GPC5: variants seen among roughly 807,000 people sequenced by gnomAD.
GPC5 encodes glypican 5.
GPC5 carries 47 observed loss-of-function variants against 53.9 expected under a neutral mutation model. The observed-to-expected ratio is 0.87, with a 90% CI of 0.69 to 1.11. The LOEUF is 1.11. GPC5 is among the 50% of genes most tolerant of loss of function. The pLI, the probability that GPC5 is intolerant of heterozygous loss-of-function variation, is 0.00. For missense variants in GPC5, 748 were observed against 713.1 expected, an observed-to-expected ratio of 1.05 and a Z score of -0.56; for synonymous variants, 286 against 263.3, an observed-to-expected ratio of 1.09 and a Z score of -0.84.
intron 2 of GPC5, among the ~76,000 whole-genome samples, chr13:91,512,706 G>A (rs537385286): frequency 1.1e-4 from 17 of 152,274 alleles, no homozygotes; most frequent in Middle Eastern, 3.4e-3. Context: ...AAGGTATGCT[G>A]AAAGTCCATC....
intron 7 of GPC5, among the ~76,000 whole-genome samples, chr13:92,680,354 CTTTTCAACAAAAG>C (rs1410912387): frequency 6.6e-6 from 1 of 152,174 alleles, no homozygotes; most frequent in Admixed American, 6.5e-5. Flanking sequence ...AGCTTCAACT[CTTTTCAACAAAAG>C]TTTTCAACTT....
intron 7 of GPC5, among the ~76,000 whole-genome samples, chr13:92,261,207 T>C (rs2042764682): frequency 6.6e-6 from 1 of 152,174 alleles, no homozygotes; most frequent in Admixed American, 6.5e-5. Flanking sequence ...GAACACTAGT[T>C]ACCAAATAAT....
intron 1 of GPC5, among the ~76,000 whole-genome samples, chr13:91,448,040 C>A (rs1880923522): frequency 6.6e-6 from 1 of 152,126 alleles, no homozygotes; most frequent in South Asian, 2.1e-4. Context: ...GTGATACTAG[C>A]AAAGGTTTTT....
chr13:92,551,534 C>T (rs1412255250), intron 7 of GPC5, among the ~76,000 whole-genome samples: 2 of 151,780 alleles, frequency 1.3e-5, no homozygotes, highest in Non-Finnish European at 2.9e-5. Context: ...ATAATTTCAT[C>T]TGAAGGAGCT....
At chr13:91,431,406 C>G (rs920276000) in intron 1 of GPC5, among the ~76,000 whole-genome samples, 28 of 152,276 alleles carry the variant, frequency 1.8e-4, no homozygotes, top group Non-Finnish European at 4.0e-4. Context: ...CTCCTACTAC[C>G]TTCTTAATAG....
At chr13:92,357,140 C>G (rs2043529158) in intron 7 of GPC5, among the ~76,000 whole-genome samples, 1 of 151,694 alleles carries the variant, frequency 6.6e-6, no homozygotes, top group Non-Finnish European at 1.5e-5. Flanking sequence ...GGATTGATTC[C>G]ATGTCTTCGC....
intron 7 of GPC5, among the ~76,000 whole-genome samples, chr13:92,796,711 T>C (rs550580307): frequency 3.3e-5 from 5 of 152,038 alleles, no homozygotes; most frequent in African/African-American, 1.2e-4. Context: ...TCTTACCCTT[T>C]TTATGATTGC....
At chr13:91,662,725 T>C (rs2035014617) in intron 2 of GPC5, among the ~76,000 whole-genome samples, 1 of 152,226 alleles carries the variant, frequency 6.6e-6, no homozygotes, top group Admixed American at 6.5e-5. Flanking sequence ...CCTAGTATCT[T>C]GCTGTGCTCA....
chr13:92,635,920 A>C (rs1034194575), intron 7 of GPC5, among the ~76,000 whole-genome samples: 9 of 152,228 alleles, frequency 5.9e-5, no homozygotes, highest in African/African-American at 2.2e-4. Flanking sequence ...ATAATGGTAA[A>C]TTTGAAGAAA....
chr13:92,796,120 C>T (rs1876668743), intron 7 of GPC5, among the ~76,000 whole-genome samples: 1 of 152,096 alleles, frequency 6.6e-6, no homozygotes, highest in Admixed American at 6.6e-5. Flanking sequence ...CCCAAATGTC[C>T]ATCGATGATA....
rs9589281 is a variant in GPC5 at position 91,534,754 on chromosome 13, A to G, written c.325+85832A>G. Among the ~76,000 whole-genome samples the G allele has an allele frequency of 6.7e-3, 1,013 of 152,090 alleles. 10 individuals carry two copies. Among genetic ancestry groups the G allele is most frequent in the African/African-American group, 0.024 (983 of 41,494 alleles). On this transcript the variant is annotated intron_variant, in intron 2 of 7. Transcript: ENST00000377067. ...GAATCCTGGAAATTGTAATTCCTCA[A>G]TTTCTCTGAAATCCTGTTTGTTGTT...
At chr13:92,741,527 T>A (rs1889093416) in intron 7 of GPC5, among the ~76,000 whole-genome samples, 2 of 152,016 alleles carry the variant, frequency 1.3e-5, no homozygotes, top group South Asian at 2.1e-4. Context: ...AGAAAACAGG[T>A]TGAAACAGTG....
At chr13:92,429,035 G>A (rs372989814) in intron 7 of GPC5, among the ~76,000 whole-genome samples, 1 of 151,974 alleles carries the variant, frequency 6.6e-6, no homozygotes, top group Non-Finnish European at 1.5e-5. Flanking sequence ...TTAATTTCAT[G>A]CATTACAACA....
At chr13:92,108,806 A>G (rs934954695) in intron 6 of GPC5, among the ~76,000 whole-genome samples, 3 of 152,060 alleles carry the variant, frequency 2.0e-5, no homozygotes, top group African/African-American at 7.2e-5. Flanking sequence ...ATAGCATCAT[A>G]CTTGTCAGTA....
At chr13:92,802,125 C>T in intron 7 of GPC5, among the ~76,000 whole-genome samples, 1 of 151,760 alleles carries the variant, frequency 6.6e-6, no homozygotes, top group Non-Finnish European at 1.5e-5. Flanking sequence ...AAGTGCCCTA[C>T]ACAGGTGTAC....
At chr13:91,734,313 G>A (rs1054543771) in intron 4 of GPC5, among the ~76,000 whole-genome samples, 4 of 151,354 alleles carry the variant, frequency 2.6e-5, no homozygotes, top group Admixed American at 6.6e-5. Flanking sequence ...CGTTCACTCC[G>A]TGAGTTGGGG....
At position 91,693,725 on chromosome 13, in the gene GPC5, T is replaced by A; in HGVS notation, c.864T>A (p.Leu288=). The part of the protein sequence containing the change: ...MRGCLAHMAE[L]NPHWHAYIRS... ...GCTGCCTGGCGCACATGGCGGAGCT[T>A]AATCCACACTGGCATGCATATATCC... Residue 288 remains leucine, a synonymous_variant, in exon 3 of 8, where the codon CTT becomes CTA. Transcript: ENST00000377067. 1 of 1,614,152 alleles carries A rather than the reference T, an allele frequency of 6.2e-7. No individual in the cohort carries two copies. Among genetic ancestry groups the A allele is most frequent in the Non-Finnish European group, 8.5e-7 (1 of 1,180,026 alleles).
chr13:92,289,977 GA>G (rs1190097078), intron 7 of GPC5, among the ~76,000 whole-genome samples: 11 of 151,872 alleles, frequency 7.2e-5, no homozygotes, highest in African/African-American at 2.4e-4. Context: ...ATTGTTGAGG[GA>G]AAACTCTAGC....
At chr13:91,415,526 A>G (rs965277541) in intron 1 of GPC5, among the ~76,000 whole-genome samples, 36 of 152,086 alleles carry the variant, frequency 2.4e-4, no homozygotes, top group African/African-American at 8.7e-4. Context: ...GGTTTCCCCA[A>G]TGAGCCACAC....
Sources: allele counts gnomAD v4.1 joint callset (sites outside exome capture counted in the v4.1 genomes callset), GRCh38; gene constraint gnomAD v4.1.1; transcripts MANE v1.5; gene names NCBI Gene and HGNC (gene_info 2026-07-23, HGNC 2026-07-21).